FRAS1: variants seen among roughly 807,000 people sequenced by gnomAD.
FRAS1 encodes the protein extracellular matrix organizing protein FRAS1.
Under a neutral mutation model 435.2 loss-of-function variants are expected in FRAS1, and 290 were observed. That is an observed-to-expected ratio of 0.67 (90% CI 0.61 to 0.73). The LOEUF (loss-of-function observed/expected upper bound fraction) is 0.73. Ranked by LOEUF, FRAS1 falls within the 30% of genes least tolerant of loss-of-function variation. The pLI is 0.00. For missense variants in FRAS1, 4,860 were observed against 5,001.5 expected, an observed-to-expected ratio of 0.97 and a Z score of 0.85; for synonymous variants, 1,800 against 1,851.0, an observed-to-expected ratio of 0.97 and a Z score of 0.71.
intron 2 of FRAS1, among the ~76,000 whole-genome samples, chr4:78,093,196 A>G (rs1171879563): frequency 3.3e-5 from 5 of 152,252 alleles, no homozygotes; most frequent in African/African-American, 1.2e-4. Context: ...ACAATTAGAT[A>G]TGCATTGAGA....
At chr4:78,198,632 T>A (rs962026613) in intron 2 of FRAS1, among the ~76,000 whole-genome samples, 1 of 152,210 alleles carries the variant, frequency 6.6e-6, no homozygotes, top group Admixed American at 6.5e-5. Context: ...TCCACTACAG[T>A]TGACCCTTGA....
intron 69 of FRAS1, among the ~76,000 whole-genome samples, 184 bp downstream of exon 69, chr4:78,522,992 T>A (rs73828013): frequency 0.025 from 3,794 of 152,234 alleles, 150 homozygotes; most frequent in African/African-American, 0.087. Flanking sequence ...GGAGGATCAC[T>A]TGAACTCAGG....
At chr4:78,113,189 G>C (rs1477604883) in intron 2 of FRAS1, among the ~76,000 whole-genome samples, 1 of 152,106 alleles carries the variant, frequency 6.6e-6, no homozygotes, top group Non-Finnish European at 1.5e-5. Context: ...AGTATTCCAT[G>C]GTATATATAT....
chr4:78,507,588 A>G lies in FRAS1; in HGVS notation c.9484A>G (p.Ile3162Val), dbSNP rs1364375546. Reference sequence around the variant, plus strand: ...AGACCAGGAGGCAGCAGGGAGCCTCATATTGCCAGCACCACCCATTGTGAG... The same window carrying G: ...AGACCAGGAGGCAGCAGGGAGCCTCGTATTGCCAGCACCACCCATTGTGAG... ...ILDQEAAGSLILPAPPIVVTL... is the reference protein window; with the variant it reads ...ILDQEAAGSLVLPAPPIVVTL... Residue 3162 changes from isoleucine (I) to valine (V), a missense_variant, in exon 62 of 74, where the codon ATA becomes GTA. By Grantham distance (29) the Ile-to-Val change is conservative. Coordinates refer to ENST00000512123, the MANE Select transcript of FRAS1 (RefSeq NM_025074.7). 3.7e-6 allele frequency: 6 copies of G among 1,601,242 alleles called. No homozygotes were observed. Among genetic ancestry groups the G allele is most frequent in the East Asian group, 2.3e-5 (1 of 44,364 alleles).
chr4:78,297,909 A>G (rs1015675869), intron 14 of FRAS1, among the ~76,000 whole-genome samples: 1 of 151,866 alleles, frequency 6.6e-6, no homozygotes, highest in African/African-American at 2.4e-5. Flanking sequence ...TTGCAAACAC[A>G]GTGGGATTTT....
At chr4:78,112,233 G>A (rs1266432321) in intron 2 of FRAS1, among the ~76,000 whole-genome samples, 1 of 151,908 alleles carries the variant, frequency 6.6e-6, no homozygotes, top group Non-Finnish European at 1.5e-5. Flanking sequence ...TTACCATAAG[G>A]TATAGAAAAG....
At chr4:78,527,671 C>T (rs1228439819) in intron 70 of FRAS1, among the ~76,000 whole-genome samples, 1 of 152,084 alleles carries the variant, frequency 6.6e-6, no homozygotes, top group Non-Finnish European at 1.5e-5. Context: ...GGATACAAGC[C>T]TGATTGGGGT....
At position 78,234,890 on chromosome 4, in the gene FRAS1, T is replaced by C. The variant is rs1042960918; in HGVS notation, c.109-2620T>C. Among the ~76,000 whole-genome samples, 3 of 152,252 alleles carry C rather than the reference T, an allele frequency of 2.0e-5. No individual in the cohort carries two copies. The East Asian group carries it at 5.8e-4, about 29-fold the overall frequency. On this transcript the variant is annotated intron_variant, in intron 2 of 73. Transcript: ENST00000512123. ...CTACACCAATGTTGGTATATTAGTCTAGGTTCTCCAGAGAATCAACAATAT... is the reference window on the plus strand; with the variant it reads ...CTACACCAATGTTGGTATATTAGTCCAGGTTCTCCAGAGAATCAACAATAT...
intron 2 of FRAS1, among the ~76,000 whole-genome samples, chr4:78,162,288 T>C (rs889545580): frequency 6.6e-6 from 1 of 152,174 alleles, no homozygotes; most frequent in Non-Finnish European, 1.5e-5. Context: ...TAGCACTAAC[T>C]TGGGGAAGAT....
At chr4:78,298,022 C>CTA (rs1162699323) in intron 14 of FRAS1, among the ~76,000 whole-genome samples, 1 of 106,576 alleles carries the variant, frequency 9.4e-6, no homozygotes, top group East Asian at 3.2e-4. Flanking sequence ...CTCTCTCTCT[C>CTA]TCTCTCTCTA....
intron 3 of FRAS1, among the ~76,000 whole-genome samples, chr4:78,243,795 G>A (rs1725113271): frequency 6.6e-6 from 1 of 152,056 alleles, no homozygotes; most frequent in Non-Finnish European, 1.5e-5. Context: ...TAATCTGGGG[G>A]CATGAAACAT....
At position 78,057,348 on chromosome 4, in the gene FRAS1, C is replaced by G. The variant is rs565410926; in HGVS notation, c.-662C>G. Among the ~76,000 whole-genome samples, 14 of 152,288 alleles carry G rather than the reference C, an allele frequency of 9.2e-5. No individual in the cohort carries two copies. The highest frequency in any genetic ancestry group is 3.1e-4 in the African/African-American group (13 of 41,572). Reference sequence around the variant, plus strand: ...CTTTCCTCTGAAGCTTCCGAACAGTCTGCTTCAGGGAGCGCAGCCTGAGGC... The same window carrying G: ...CTTTCCTCTGAAGCTTCCGAACAGTGTGCTTCAGGGAGCGCAGCCTGAGGC... On this transcript the variant is annotated 5_prime_UTR_variant, in exon 1 of 74. Transcript: ENST00000512123. This position sits in a 1 kb window ranked among gnomAD's most constrained non-coding sequence, Gnocchi z 4.2.
chr4:78,273,232 C>T (rs990684574), intron 9 of FRAS1, among the ~76,000 whole-genome samples: 1 of 152,128 alleles, frequency 6.6e-6, no homozygotes, highest in Non-Finnish European at 1.5e-5. Flanking sequence ...ATGGGGTTTT[C>T]TAAATATACA....
At chr4:78,414,523 A>G (rs554778391) in intron 32 of FRAS1, among the ~76,000 whole-genome samples, 3 of 152,322 alleles carry the variant, frequency 2.0e-5, no homozygotes, top group South Asian at 4.1e-4. Flanking sequence ...ATATTTTTTG[A>G]TACTAATTAG....
chr4:78,359,574 G>A (rs1390903386), intron 20 of FRAS1, among the ~76,000 whole-genome samples: 1 of 152,150 alleles, frequency 6.6e-6, no homozygotes, highest in Non-Finnish European at 1.5e-5. Context: ...GGGAAGGAAA[G>A]TTTGCATGAG....
chr4:78,166,339 A>G (rs1721329040), intron 2 of FRAS1, among the ~76,000 whole-genome samples: 2 of 152,180 alleles, frequency 1.3e-5, no homozygotes. Flanking sequence ...ACTATAGGAC[A>G]TAGAATAGTA....
At chr4:78,446,168 GAGAGAGACA>G in intron 42 of FRAS1, 1 of 1,004,368 alleles carries the variant, frequency 1.0e-6, no homozygotes, top group Non-Finnish European at 1.2e-6. Context: ...GCTCTACCGA[GAGAGAGACA>G]CAGGGGAGGG....
chr4:78,355,432 C>G (rs1387277837), intron 20 of FRAS1, among the ~76,000 whole-genome samples: 1 of 152,124 alleles, frequency 6.6e-6, no homozygotes, highest in East Asian at 1.9e-4. Flanking sequence ...GCAATAGTGA[C>G]AAACAAGAAT....
In FRAS1 at chr4:78,398,925, G is replaced by A. The variant is rs950886925; in HGVS notation, c.3976-1809G>A. 2.8e-4 allele frequency among the ~76,000 whole-genome samples: 42 copies of A among 152,078 alleles called. 1 individual carries two copies. Among genetic ancestry groups the A allele is most frequent in the Non-Finnish European group, 1.0e-4 (7 of 68,026 alleles). On this transcript the variant is annotated intron_variant, in intron 29 of 73. Transcript: ENST00000512123. Reference sequence around the variant, plus strand: ...TTGAACCTGAGAGGCGGAGGTTGTGGTGAGCCAAGTTCGTGCAATTGCACT... The same window carrying A: ...TTGAACCTGAGAGGCGGAGGTTGTGATGAGCCAAGTTCGTGCAATTGCACT...
Sources: allele counts gnomAD v4.1 joint callset (sites outside exome capture counted in the v4.1 genomes callset), GRCh38; gene constraint gnomAD v4.1.1; non-coding constraint Gnocchi (gnomAD v3.1); transcripts MANE v1.5; gene names NCBI Gene and HGNC (gene_info 2026-07-23, HGNC 2026-07-21).